DMRT1: variants seen among roughly 807,000 people sequenced by gnomAD.
DMRT1 encodes doublesex and mab-3 related transcription factor 1.
Under a neutral mutation model 32.3 loss-of-function variants are expected in DMRT1, and 7 were observed. That is an observed-to-expected ratio of 0.22 (90% CI 0.12 to 0.41). DMRT1 has a LOEUF of 0.41. Ranked by LOEUF, DMRT1 falls within the 10% of genes least tolerant of loss-of-function variation. The pLI, the probability that DMRT1 is intolerant of heterozygous loss-of-function variation, is 1.00. For synonymous variants in DMRT1, 278 were observed against 206.1 expected (o/e 1.35, Z -2.99); for missense variants, 625 against 500.5 (o/e 1.25, Z -2.37).
At chr9:940,040 T>G (rs1297193437) in intron 4 of DMRT1, among the ~76,000 whole-genome samples, 1 of 152,012 alleles carries the variant, frequency 6.6e-6, no homozygotes, top group African/African-American at 2.4e-5. Flanking sequence ...AGAAAGGCTA[T>G]TATCAAAAAA....
intron 2 of DMRT1, among the ~76,000 whole-genome samples, chr9:870,708 A>ATTTTTTTTTT (rs1564211315): frequency 5.5e-5 from 2 of 36,250 alleles, no homozygotes; most frequent in African/African-American, 2.4e-4. Flanking sequence ...CATTTTCTTG[A>ATTTTTTTTTT]CTTTTTTTTT....
intron 3 of DMRT1, among the ~76,000 whole-genome samples, chr9:900,036 A>G (rs968666053): frequency 2.0e-5 from 3 of 152,248 alleles, no homozygotes; most frequent in Non-Finnish European, 4.4e-5. Flanking sequence ...TCATGTCTTA[A>G]CATGCTTCCA....
At chr9:848,364 A>G (rs1428836275) in intron 2 of DMRT1, among the ~76,000 whole-genome samples, 1 of 152,170 alleles carries the variant, frequency 6.6e-6, no homozygotes, top group Non-Finnish European at 1.5e-5. Flanking sequence ...GTTAAGCAGA[A>G]AAGAAGTTAA....
chr9:862,941 G>C lies in DMRT1; in HGVS notation c.538+15798G>C, dbSNP rs377154367. ...ATGGCAGAAGGGACTTTGCAAATGT[G>C]ATTGAGTCAAGAGTCTTGAGATGAG... On this transcript the variant is annotated intron_variant, in intron 2 of 4. Coordinates refer to ENST00000382276, the MANE Select transcript of DMRT1 (RefSeq NM_021951.3). Among the ~76,000 whole-genome samples the C allele has an allele frequency of 6.7e-4, 102 of 152,152 alleles. 2 individuals carry two copies. The South Asian group carries it at 0.021, about 31-fold the overall frequency.
intron 2 of DMRT1, among the ~76,000 whole-genome samples, chr9:867,482 C>T (rs774283493): frequency 1.3e-5 from 2 of 152,200 alleles, no homozygotes; most frequent in African/African-American, 2.4e-5. Flanking sequence ...TCTCATTTAC[C>T]GAGTGTCTGC....
At chr9:894,438 G>T in intron 3 of DMRT1, 1 of 573,514 alleles carries the variant, frequency 1.7e-6, no homozygotes. Context: ...AAGGTTGGCT[G>T]CAAGGAATTG....
chr9:879,641 G>A (rs1416156689), intron 2 of DMRT1, among the ~76,000 whole-genome samples: 2 of 152,158 alleles, frequency 1.3e-5, no homozygotes, highest in African/African-American at 4.8e-5. Context: ...TTAAAGATTA[G>A]TTGTGATGTG....
intron 4 of DMRT1, among the ~76,000 whole-genome samples, chr9:955,205 T>C (rs1819561247): frequency 6.6e-6 from 1 of 152,028 alleles, no homozygotes; most frequent in African/African-American, 2.4e-5. Flanking sequence ...ACTTGTCCAG[T>C]GCTCCTGAGA....
Position 945,444 on chromosome 9 carries a change from C to T in DMRT1, c.968-22541C>T, listed in dbSNP as rs149641312. ...GTGCTGGGATTACAGGCATGAGCCA[C>T]CGTATCTGGCCTGTTTCTGTCTTTC... On this transcript the variant is annotated intron_variant, in intron 4 of 4. Transcript: ENST00000382276. Among the ~76,000 whole-genome samples, 1,295 of 152,336 alleles carry T rather than the reference C, an allele frequency of 8.5e-3. 10 individuals carry two copies. Among genetic ancestry groups the T allele is most frequent in the Non-Finnish European group, 0.015 (991 of 68,034 alleles).
intron 4 of DMRT1, among the ~76,000 whole-genome samples, chr9:953,955 A>G (rs138311749): frequency 1.1e-3 from 168 of 152,262 alleles, no homozygotes; most frequent in Middle Eastern, 6.8e-3. Context: ...AGTGAAAGTG[A>G]TAGTGGCACA....
At position 916,847 on chromosome 9, in the gene DMRT1, A is replaced by G. The variant is rs1189763859; in HGVS notation, c.907A>G (p.Ser303Gly). The G allele has an allele frequency of 6.2e-7, 1 of 1,614,202 alleles. No homozygotes were observed. The highest frequency in any genetic ancestry group is 1.3e-5 in the African/African-American group (1 of 75,052). The change falls in exon 4 of 5, where the codon AGC becomes GGC. Residue 303 changes from serine to glycine, a missense_variant. Coordinates refer to ENST00000382276, the MANE Select transcript of DMRT1 (RefSeq NM_021951.3). Reference protein sequence around the residue: ...YYPPPSYLGQSVPQFFTFEDA... With the variant: ...YYPPPSYLGQGVPQFFTFEDA... ...CCCGCCTCCCTCTTACCTGGGCCAG[A>G]GCGTGCCCCAGTTCTTCACTTTTGA...
At chr9:927,552 G>C (rs1028578254) in intron 4 of DMRT1, among the ~76,000 whole-genome samples, 19 of 152,164 alleles carry the variant, frequency 1.2e-4, no homozygotes, top group African/African-American at 4.6e-4. Flanking sequence ...TCAGAATTTG[G>C]CTGTTATATG....
Position 916,905 on chromosome 9 carries a change from G to A in DMRT1, c.965G>A (p.Ser322Asn). Residue 322 changes from serine (S) to asparagine (N), a missense_variant and splice_region_variant, in exon 4 of 5, where the codon AGC becomes AAC. Transcript: ENST00000382276. ...DAPSYPEARA[S>N]VFSPPSSQDS... The stretch of plus-strand genomic sequence containing the variant: ...CCCTCTTACCCGGAAGCCAGGGCGA[G>A]CGGTAGGTGTCTGGTCACACAGACT... The A allele has an allele frequency of 6.2e-7, 1 of 1,614,180 alleles. No individual in the cohort carries two copies. Among genetic ancestry groups the A allele is most frequent in the South Asian group, 1.1e-5 (1 of 91,084 alleles).
chr9:946,736 G>T (rs1166175679), intron 4 of DMRT1, among the ~76,000 whole-genome samples: 1 of 152,202 alleles, frequency 6.6e-6, no homozygotes, highest in African/African-American at 2.4e-5. Context: ...CTGCACTCTT[G>T]TTGACATGAT....
rs796885977 is a variant in DMRT1, at chr9:951,764, A to G, written c.968-16221A>G. On this transcript the variant is annotated intron_variant, in intron 4 of 4. Coordinates refer to ENST00000382276, the MANE Select transcript of DMRT1 (RefSeq NM_021951.3). ...CTGGGAGTGGACCAGGGGCCACAGGATACCTAAGAACAGAAAAGAAGCACA... is the reference window on the plus strand; with the variant it reads ...CTGGGAGTGGACCAGGGGCCACAGGGTACCTAAGAACAGAAAAGAAGCACA... 5.8e-4 allele frequency among the ~76,000 whole-genome samples: 89 copies of G among 152,324 alleles called. 1 individual carries two copies. The highest frequency in any genetic ancestry group is 2.1e-3 in the African/African-American group (88 of 41,578).
At chr9:910,825 CTAA>C (rs1275050560) in intron 3 of DMRT1, among the ~76,000 whole-genome samples, 1 of 151,928 alleles carries the variant, frequency 6.6e-6, no homozygotes, top group Non-Finnish European at 1.5e-5. Flanking sequence ...GTGACCACTG[CTAA>C]TAATAATAGT....
At chr9:885,867 A>T (rs898492583) in intron 2 of DMRT1, among the ~76,000 whole-genome samples, 3 of 152,190 alleles carry the variant, frequency 2.0e-5, no homozygotes, top group African/African-American at 7.2e-5. Context: ...GTAAGGGACT[A>T]CTGGTTAAGA....
intron 2 of DMRT1, among the ~76,000 whole-genome samples, chr9:864,395 G>C (rs897000602): frequency 1.3e-5 from 2 of 151,668 alleles, no homozygotes; most frequent in Non-Finnish European, 2.9e-5. Flanking sequence ...GTTTCACCAT[G>C]ATGACCAGGC....
At chr9:921,676 C>G (rs978058827) in intron 4 of DMRT1, among the ~76,000 whole-genome samples, 1 of 152,150 alleles carries the variant, frequency 6.6e-6, no homozygotes, top group Non-Finnish European at 1.5e-5. Context: ...AAAACAGTTT[C>G]CAGCCTGAGC....
Sources: gnomAD v4.1 joint callset for allele counts (sites outside exome capture counted in the v4.1 genomes callset) on GRCh38, gnomAD v4.1.1 for gene constraint, MANE v1.5 for transcripts, NCBI Gene and HGNC (gene_info 2026-07-23, HGNC 2026-07-21) for gene names.